MACROD2: variants seen among roughly 807,000 people sequenced by gnomAD.
The protein encoded by MACROD2 is ADP-ribose glycohydrolase MACROD2.
A neutral mutation model predicts 70.4 loss-of-function variants in MACROD2; 36 were observed. The ratio of observed to expected loss-of-function variants is 0.51; its 90% CI spans 0.39 to 0.68. The LOEUF is 0.68. Ranked by LOEUF, MACROD2 falls within the 30% of genes least tolerant of loss-of-function variation. The pLI is 0.00. For missense variants in MACROD2, 496 were observed against 538.4 expected (o/e 0.92, Z 0.78); for synonymous variants, 172 against 178.8 (o/e 0.96, Z 0.30).
chr20:15,229,338 G>A (rs1188227138), intron 5 of MACROD2, among the ~76,000 whole-genome samples: 2 of 152,112 alleles, frequency 1.3e-5, no homozygotes, highest in East Asian at 1.9e-4. Context: ...TATTAAAATA[G>A]GTATGAACTA....
chr20:14,352,877 G>A (rs952814682), intron 3 of MACROD2, among the ~76,000 whole-genome samples: 1 of 151,132 alleles, frequency 6.6e-6, no homozygotes, highest in African/African-American at 2.4e-5. Context: ...GAATATTTTT[G>A]CTTTAGCTTC....
At chr20:14,992,407 T>C (rs961057758) in intron 5 of MACROD2, among the ~76,000 whole-genome samples, 2 of 152,198 alleles carry the variant, frequency 1.3e-5, no homozygotes, top group African/African-American at 2.4e-5. Context: ...GACTTGATTG[T>C]CTAACACAAA....
chr20:14,587,367 G>A (rs911162130), intron 4 of MACROD2, among the ~76,000 whole-genome samples: 3 of 151,170 alleles, frequency 2.0e-5, no homozygotes, highest in South Asian at 2.1e-4. Flanking sequence ...TTAGAGCTTC[G>A]TCTCATTTTC....
intron 8 of MACROD2, among the ~76,000 whole-genome samples, chr20:15,740,711 C>CTT (rs11474009): frequency 0.11 from 16,270 of 145,016 alleles, 1,463 homozygotes; most frequent in African/African-American, 0.26. Flanking sequence ...TACATGGAGC[C>CTT]TTTTTTTTTT....
chr20:14,000,418 T>G (rs894827987), intron 1 of MACROD2, among the ~76,000 whole-genome samples: 4 of 152,234 alleles, frequency 2.6e-5, no homozygotes, highest in African/African-American at 9.6e-5. Flanking sequence ...ACATTAATAC[T>G]TCTGTAGTTT....
chr20:14,626,805 C>A (rs553729602), intron 4 of MACROD2: 1 of 152,236 alleles, frequency 6.6e-6, no homozygotes, highest in East Asian at 1.9e-4. Context: ...CACTTAGTAC[C>A]CCCTATTCAA....
chr20:15,375,670 TAAAAG>T lies in MACROD2; in HGVS notation c.541-55730_541-55726del, dbSNP rs1378342117. ...CTTTTCATTTGTTTCTGTATTTTGTTAAAAGAAAAAAAATCTGACTTGCATGCTTA... is the reference window on the plus strand; with the variant it reads ...CTTTTCATTTGTTTCTGTATTTTGTTAAAAAAAATCTGACTTGCATGCTTA... On this transcript the variant is annotated intron_variant, in intron 6 of 17. Coordinates refer to ENST00000684519, the MANE Select transcript of MACROD2 (RefSeq NM_001351661.2). 5.9e-5 allele frequency among the ~76,000 whole-genome samples: 9 copies of T among 152,046 alleles called. 1 individual carries two copies. The highest frequency in any genetic ancestry group is 5.2e-4 in the Admixed American group (8 of 15,254).
chr20:15,054,902 C>G (rs1486018295), intron 5 of MACROD2, among the ~76,000 whole-genome samples: 1 of 151,986 alleles, frequency 6.6e-6, no homozygotes, highest in Non-Finnish European at 1.5e-5. Context: ...CCTGTCTCAG[C>G]CTCCCAAGTA....
chr20:14,193,268 T>G (rs2081402766), intron 3 of MACROD2, among the ~76,000 whole-genome samples: 1 of 152,184 alleles, frequency 6.6e-6, no homozygotes, highest in Non-Finnish European at 1.5e-5. Flanking sequence ...GAGCCAGGGA[T>G]AGAAGAAGTT....
intron 4 of MACROD2, among the ~76,000 whole-genome samples, chr20:14,550,355 C>T (rs1037971965): frequency 2.6e-5 from 4 of 152,070 alleles, no homozygotes; most frequent in African/African-American, 9.7e-5. Context: ...CTGCTATAGA[C>T]TGAATGTTTG....
chr20:15,542,704 C>T (rs368185151), intron 8 of MACROD2, among the ~76,000 whole-genome samples: 3 of 152,344 alleles, frequency 2.0e-5, no homozygotes, highest in Admixed American at 6.5e-5. Flanking sequence ...AGGATTGGTT[C>T]TCACAATATT....
chr20:15,841,155 T>C (rs2064165681), intron 8 of MACROD2, among the ~76,000 whole-genome samples: 1 of 152,124 alleles, frequency 6.6e-6, no homozygotes, highest in South Asian at 2.1e-4. Flanking sequence ...TGGCCCACAC[T>C]AAGTTGTGAG....
chr20:14,812,753 C>G (rs2072730055), intron 5 of MACROD2, among the ~76,000 whole-genome samples: 1 of 151,984 alleles, frequency 6.6e-6, no homozygotes, highest in African/African-American at 2.4e-5. Context: ...GGGTTTCTCT[C>G]CACACACCAA....
rs76062980 is a variant in MACROD2 at position 15,139,307 on chromosome 20, G to T, written c.419-90633G>T. On this transcript the variant is annotated intron_variant, in intron 5 of 17. Transcript: ENST00000684519. ...TGTCTTTTTGGGTGCCAACTGTTTT[G>T]CACCAGCATTGTTTATATTAGTGAA... Among the ~76,000 whole-genome samples, 6 of 152,210 alleles carry T rather than the reference G, an allele frequency of 3.9e-5. 1 individual carries two copies. The East Asian group carries it at 1.2e-3, about 29-fold the overall frequency.
chr20:14,611,949 CA>C (rs1314589051), intron 4 of MACROD2, among the ~76,000 whole-genome samples: 2 of 152,036 alleles, frequency 1.3e-5, no homozygotes, highest in Non-Finnish European at 2.9e-5. Flanking sequence ...AAAATGTAAA[CA>C]GTGCAAATTT....
At chr20:15,739,708 CA>C (rs2051076506) in intron 8 of MACROD2, among the ~76,000 whole-genome samples, 1 of 152,158 alleles carries the variant, frequency 6.6e-6, no homozygotes, top group African/African-American at 2.4e-5. Context: ...GAAAGAAAAT[CA>C]GAAGTCTGCT....
At chr20:14,779,972 C>A (rs1221312113) in intron 5 of MACROD2, among the ~76,000 whole-genome samples, 1 of 152,078 alleles carries the variant, frequency 6.6e-6, no homozygotes, top group African/African-American at 2.4e-5. Context: ...TGAGTCCTCA[C>A]CTTAACTGTG....
At chr20:14,483,402 A>G (rs1364620178) in intron 3 of MACROD2, among the ~76,000 whole-genome samples, 1 of 151,326 alleles carries the variant, frequency 6.6e-6, no homozygotes, top group Non-Finnish European at 1.5e-5. Flanking sequence ...CAAGTTTTTT[A>G]TTTTTATTTT....
chr20:15,782,298 T>A (rs2051846944), intron 8 of MACROD2, among the ~76,000 whole-genome samples: 1 of 152,142 alleles, frequency 6.6e-6, no homozygotes, highest in Non-Finnish European at 1.5e-5. Context: ...ATTGTAAAGC[T>A]TGGTTGCTTA....
Sources: allele counts gnomAD v4.1 joint callset (sites outside exome capture counted in the v4.1 genomes callset), GRCh38; gene constraint gnomAD v4.1.1; transcripts MANE v1.5; gene names NCBI Gene and HGNC (gene_info 2026-07-23, HGNC 2026-07-21).